BTBD9: variants seen among roughly 807,000 people sequenced by gnomAD.
The protein encoded by BTBD9 is BTB domain containing 9.
BTBD9 carries 49 observed loss-of-function variants against 64.3 expected under a neutral mutation model. The ratio of observed to expected loss-of-function variants is 0.76; its 90% CI spans 0.61 to 0.97. The LOEUF is 0.97. Ranked by LOEUF, BTBD9 falls within the 50% of genes least tolerant of loss-of-function variation. The pLI is 0.00. For synonymous variants in BTBD9, 260 were observed against 274.7 expected (o/e 0.95, Z 0.53); for missense variants, 598 against 762.1 (o/e 0.78, Z 2.53).
chr6:38,475,782 A>C (rs918392197), intron 6 of BTBD9, among the ~76,000 whole-genome samples: 6 of 152,140 alleles, frequency 3.9e-5, no homozygotes, highest in Non-Finnish European at 2.9e-5. Context: ...AGTTTGAACC[A>C]CGGACTGATA....
intron 6 of BTBD9, among the ~76,000 whole-genome samples, chr6:38,405,544 A>G (rs1767123717): frequency 6.6e-6 from 1 of 152,190 alleles, no homozygotes; most frequent in Non-Finnish European, 1.5e-5. Flanking sequence ...TACTGAAGCT[A>G]TAATGAGAAA....
At chr6:38,620,157 G>T (rs1403371490) in intron 1 of BTBD9, among the ~76,000 whole-genome samples, 2 of 152,216 alleles carry the variant, frequency 1.3e-5, no homozygotes, top group Non-Finnish European at 2.9e-5. Context: ...AAATGCAGCA[G>T]TCCCTGCAAT....
chr6:38,516,109 A>G (rs536629175), intron 6 of BTBD9, among the ~76,000 whole-genome samples: 102 of 152,290 alleles, frequency 6.7e-4, no homozygotes, highest in South Asian at 5.4e-3. Context: ...AAAAGGAGAA[A>G]ATATCTCACC....
chr6:38,301,932 G>A (rs1762418816), intron 7 of BTBD9, among the ~76,000 whole-genome samples: 1 of 152,040 alleles, frequency 6.6e-6, no homozygotes, highest in Non-Finnish European at 1.5e-5. Context: ...TGCTTCTCTA[G>A]TTCTTTTAAT....
intron 4 of BTBD9, among the ~76,000 whole-genome samples, chr6:38,592,115 G>A (rs1418272664): frequency 3.3e-5 from 5 of 151,368 alleles, no homozygotes; most frequent in South Asian, 2.1e-4. Flanking sequence ...CCTGGGAGGC[G>A]AGGTTGCAGT....
chr6:38,261,059 C>T (rs1220565512), intron 8 of BTBD9, among the ~76,000 whole-genome samples: 1 of 152,004 alleles, frequency 6.6e-6, no homozygotes, highest in Non-Finnish European at 1.5e-5. Flanking sequence ...CCTGCCTCAG[C>T]TTCCTGAGTA....
intron 6 of BTBD9, among the ~76,000 whole-genome samples, chr6:38,366,015 G>A (rs1305530444): frequency 6.6e-6 from 1 of 152,148 alleles, no homozygotes; most frequent in African/African-American, 2.4e-5. Flanking sequence ...TCAAAAGGAT[G>A]AAATTATATT....
chr6:38,221,150 T>G (rs1582071077), intron 9 of BTBD9, among the ~76,000 whole-genome samples: 1 of 152,216 alleles, frequency 6.6e-6, no homozygotes, highest in Non-Finnish European at 1.5e-5. Flanking sequence ...TCTGCCCATG[T>G]GCAGGTAACA....
chr6:38,506,455 G>C (rs1772521214), intron 6 of BTBD9, among the ~76,000 whole-genome samples: 1 of 152,188 alleles, frequency 6.6e-6, no homozygotes, highest in Non-Finnish European at 1.5e-5. Flanking sequence ...CGTGCTGGCT[G>C]AGCTGCAGGG....
chr6:38,484,623 C>T (rs1771314997), intron 6 of BTBD9, among the ~76,000 whole-genome samples: 1 of 152,152 alleles, frequency 6.6e-6, no homozygotes, highest in Non-Finnish European at 1.5e-5. Flanking sequence ...CAGTTTATGA[C>T]CACACAATAA....
intron 7 of BTBD9, among the ~76,000 whole-genome samples, chr6:38,315,514 T>A (rs990236517): frequency 6.6e-6 from 1 of 152,182 alleles, no homozygotes; most frequent in African/African-American, 2.4e-5. Context: ...TGTGTTTCCA[T>A]TATCATTTGT....
intron 10 of BTBD9, among the ~76,000 whole-genome samples, chr6:38,176,926 G>A (rs1433036095): frequency 6.6e-6 from 1 of 152,194 alleles, no homozygotes; most frequent in African/African-American, 2.4e-5. Flanking sequence ...CGCCTTGAGA[G>A]TGCAGTCCCG....
chr6:38,195,514 C>T (rs868271232), intron 9 of BTBD9, among the ~76,000 whole-genome samples: 4 of 152,012 alleles, frequency 2.6e-5, no homozygotes, highest in South Asian at 2.1e-4. Flanking sequence ...TTAATAAAAA[C>T]AAAAAAGCTT....
At chr6:38,277,315 A>G (rs536502708) in intron 8 of BTBD9, among the ~76,000 whole-genome samples, 6 of 152,104 alleles carry the variant, frequency 3.9e-5, no homozygotes, top group Admixed American at 6.5e-5. Flanking sequence ...CAATAAACAG[A>G]CATAGGCTTT....
intron 4 of BTBD9, among the ~76,000 whole-genome samples, chr6:38,581,446 T>C (rs922941182): frequency 1.3e-5 from 2 of 152,192 alleles, no homozygotes; most frequent in African/African-American, 4.8e-5. Flanking sequence ...AAAATGAAAA[T>C]TGATAGTCTG....
intron 10 of BTBD9, among the ~76,000 whole-genome samples, chr6:38,192,260 C>T (rs1762103035): frequency 6.6e-6 from 1 of 152,190 alleles, no homozygotes; most frequent in African/African-American, 2.4e-5. Context: ...ACCTCTCAAG[C>T]CCTCTGTGGT....
chr6:38,633,409 T>C (rs1441034829), intron 1 of BTBD9, among the ~76,000 whole-genome samples: 1 of 152,220 alleles, frequency 6.6e-6, no homozygotes, highest in Non-Finnish European at 1.5e-5. Flanking sequence ...AAGGTTGTCA[T>C]TACAAGGATG....
chr6:38,449,899 C>G (rs1769442874), intron 6 of BTBD9, among the ~76,000 whole-genome samples: 1 of 152,128 alleles, frequency 6.6e-6, no homozygotes, highest in African/African-American at 2.4e-5. Flanking sequence ...GCCTCAAAAG[C>G]ATAGCCAACA....
intron 8 of BTBD9, among the ~76,000 whole-genome samples, chr6:38,274,099 C>T (rs1268403084): frequency 1.3e-5 from 2 of 152,232 alleles, no homozygotes; most frequent in Non-Finnish European, 2.9e-5. Flanking sequence ...CTTCACGTCC[C>T]TTGTACGTTG....
Sources: gnomAD v4.1 joint callset for allele counts (sites outside exome capture counted in the v4.1 genomes callset) on GRCh38, gnomAD v4.1.1 for gene constraint, MANE v1.5 for transcripts, NCBI Gene and HGNC (gene_info 2026-07-23, HGNC 2026-07-21) for gene names.